Variants in COL27A1 observed in about 807,000 individuals in gnomAD.
COL27A1 encodes collagen alpha-1(XXVII) chain.
A neutral mutation model predicts 251.3 loss-of-function variants in COL27A1; 106 were observed. The ratio of observed to expected loss-of-function variants is 0.42; its 90% CI spans 0.36 to 0.50. The LOEUF (loss-of-function observed/expected upper bound fraction) is 0.50, where lower values mean the gene tolerates loss of function less well. COL27A1 is among the 20% of genes least tolerant of loss of function. The probability of loss-of-function intolerance (pLI) is 0.00; values close to 1 mark genes in which losing one functional copy is unlikely to be tolerated. For missense variants in COL27A1, 2,325 were observed against 2,522.8 expected (o/e 0.92, Z 1.68); for synonymous variants, 1,000 against 986.3 (o/e 1.01, Z -0.26).
At chr9:114,250,554 C>T (rs537405392) in intron 24 of COL27A1, 61 bp from the exon 25 acceptor site, 89 of 1,486,760 alleles carry the variant, frequency 6.0e-5, no homozygotes, top group Non-Finnish European at 6.9e-5. Flanking sequence ...GGGGAAGGAG[C>T]GGGAGGGCTG....
chr9:114,211,047 T>C, intron 12 of COL27A1, 21 bp downstream of exon 12: 1 of 1,613,810 alleles, frequency 6.2e-7, no homozygotes, highest in Non-Finnish European at 8.5e-7. Context: ...TCCGTGTCTA[T>C]TACGCAGACT....
At chr9:114,299,162 T>C (rs1197346557) in intron 49 of COL27A1, among the ~76,000 whole-genome samples, 2 of 152,218 alleles carry the variant, frequency 1.3e-5, no homozygotes, top group African/African-American at 4.8e-5. Context: ...CACTGGGTCT[T>C]GACCTGCCTG....
chr9:114,310,622 G>A lies in COL27A1; in HGVS notation c.5510G>A (p.Ser1837Asn), dbSNP rs962319966. Residue 1837 changes from serine (S) to asparagine (N), a missense_variant, in exon 61 of 61, where the codon AGT becomes AAT. Physicochemically the swap from Ser to Asn is conservative, Grantham distance 46. Transcript: ENST00000356083. ...TQDPQQLPII[S>N]VDNLPPASSG... The stretch of plus-strand genomic sequence containing the variant: ...GACCCCCAACAGCTGCCCATCATCA[G>A]TGTGGACAACCTCCCTCCTGCCTCA... 6 of 1,614,112 alleles carry A rather than the reference G, an allele frequency of 3.7e-6. No homozygotes were observed. The African/African-American group carries it at 6.7e-5, about 18-fold the overall frequency.
At chr9:114,174,235 G>A (rs1849529118) in intron 3 of COL27A1, among the ~76,000 whole-genome samples, 1 of 152,070 alleles carries the variant, frequency 6.6e-6, no homozygotes, top group African/African-American at 2.4e-5. Flanking sequence ...AGACTCACTG[G>A]GGAGAGTTAA....
At chr9:114,176,699 A>C (rs764269738) in intron 3 of COL27A1, among the ~76,000 whole-genome samples, 1 of 152,156 alleles carries the variant, frequency 6.6e-6, no homozygotes, top group Non-Finnish European at 1.5e-5. Context: ...TCTGCCGCCA[A>C]TTTGGCCAGA....
intron 49 of COL27A1, among the ~76,000 whole-genome samples, chr9:114,295,577 C>T (rs1029317844): frequency 6.6e-5 from 10 of 152,234 alleles, no homozygotes; most frequent in East Asian, 3.9e-4. Context: ...GTGGTATTGC[C>T]GTAAATAACT....
Position 114,169,326 on chromosome 9 carries a change from G to A in COL27A1, c.1771G>A (p.Val591Ile), listed in dbSNP as rs540526729. 1.4e-5 allele frequency: 23 copies of A among 1,612,582 alleles called. No individual in the cohort carries two copies. The highest frequency in any genetic ancestry group is 1.8e-5 in the Non-Finnish European group (21 of 1,179,732). The change falls in exon 3 of 61, where the codon GTA becomes ATA. Residue 591 changes from valine to isoleucine, a missense_variant. Transcript: ENST00000356083. ...CAGTCAGCAGACCACCCCGGCCCTG[G>A]TATTGGCCCCGGCGCAATTCCTGTC... ...QPSQQTTPAL[V>I]LAPAQFLSSS...
intron 7 of COL27A1, among the ~76,000 whole-genome samples, chr9:114,203,436 G>C (rs187347767): frequency 6.6e-6 from 1 of 152,172 alleles, no homozygotes; most frequent in Admixed American, 6.5e-5. Flanking sequence ...GAAGTCATTG[G>C]CTTTGGGTCA....
intron 14 of COL27A1, among the ~76,000 whole-genome samples, chr9:114,229,674 A>AG: frequency 6.6e-6 from 1 of 152,326 alleles, no homozygotes; most frequent in South Asian, 2.1e-4. Flanking sequence ...TCAGTCATGG[A>AG]GGATGGACAA....
At chr9:114,172,296 GC>G (rs1417852831) in intron 3 of COL27A1, among the ~76,000 whole-genome samples, 1 of 152,100 alleles carries the variant, frequency 6.6e-6, no homozygotes, top group Non-Finnish European at 1.5e-5. Context: ...CAGGATCTAA[GC>G]CCAGCAGAAC....
chr9:114,268,989 T>C (rs888219514), intron 34 of COL27A1: 1 of 404,728 alleles, frequency 2.5e-6, no homozygotes, highest in Non-Finnish European at 4.2e-6. Flanking sequence ...CAGTTAGTTA[T>C]TAATAGGATG....
At chr9:114,158,700 G>T (rs960744146) in intron 1 of COL27A1, among the ~76,000 whole-genome samples, 1 of 152,224 alleles carries the variant, frequency 6.6e-6, no homozygotes, top group Non-Finnish European at 1.5e-5. Flanking sequence ...GGGAGCAAAA[G>T]AATCGGCAGG....
In COL27A1 at chr9:114,307,452, C is replaced by T. The variant is rs1829136243; in HGVS notation, c.5108-217C>T. The T allele has an allele frequency of 1.4e-5, 8 of 561,028 alleles. No individual in the cohort carries two copies. In the East Asian group the frequency reaches 2.2e-4, roughly 15 times the overall value. 34.8% of individuals were successfully genotyped at this position (561,028 alleles called of 1,614,324 possible). On this transcript the variant is annotated intron_variant, in intron 58 of 60. Transcript: ENST00000356083. ...AGTAGCAACATAGGCAAGTACTTAG[C>T]CATGTGACCCCTCCTCTGGGGGCTC...
At chr9:114,200,049 G>A (rs773932666) in intron 7 of COL27A1, among the ~76,000 whole-genome samples, 6 of 151,968 alleles carry the variant, frequency 3.9e-5, no homozygotes, top group South Asian at 2.1e-4. Flanking sequence ...GCCATTATCC[G>A]TGGAAGCTGT....
chr9:114,267,599 C>T (rs775937266), intron 34 of COL27A1, 42 bp downstream of exon 34: 1 of 1,566,410 alleles, frequency 6.4e-7, no homozygotes, highest in East Asian at 2.3e-5. Context: ...TTGTTGAAAC[C>T]AGCTCCCAGA....
At chr9:114,181,958 G>A (rs1199919491) in intron 4 of COL27A1, among the ~76,000 whole-genome samples, 8 of 152,100 alleles carry the variant, frequency 5.3e-5, no homozygotes, top group Admixed American at 5.2e-4. Flanking sequence ...GTCTGATCAC[G>A]TGTTGTAGCC....
intron 3 of COL27A1, 22 bp downstream of exon 3, chr9:114,169,485 A>C: frequency 1.3e-6 from 2 of 1,498,606 alleles, no homozygotes; most frequent in African/African-American, 1.4e-5. Context: ...TGGGGTCTGC[A>C]TGCTGCTTGG....
chr9:114,155,933 A>T lies in COL27A1; in HGVS notation c.-18A>T. On this transcript the variant is annotated 5_prime_UTR_variant, in exon 1 of 61. An upstream start codon of the reference 5' UTR is lost. Transcript: ENST00000356083. This position sits in a 1 kb window ranked among gnomAD's most constrained non-coding sequence, Gnocchi z 5.5. ...ACACTTGCCCCCCGGGCTCGGGAGC[A>T]TGAAGTAGGGGCCTGCCATGGGAGC... 6 of 1,246,756 alleles carry T rather than the reference A, an allele frequency of 4.8e-6. No individual in the cohort carries two copies. The highest frequency in any genetic ancestry group is 6.1e-6 in the Non-Finnish European group (6 of 991,606). 77.2% of individuals were successfully genotyped at this position (1,246,756 alleles called of 1,614,324 possible).
At chr9:114,179,953 C>T (rs566417508) in intron 4 of COL27A1, among the ~76,000 whole-genome samples, 49 of 151,300 alleles carry the variant, frequency 3.2e-4, no homozygotes, top group Admixed American at 6.0e-4. Flanking sequence ...ATTCTCCTGC[C>T]TCAGCCTCCC....
Sources: allele counts gnomAD v4.1 joint callset (sites outside exome capture counted in the v4.1 genomes callset), GRCh38; gene constraint gnomAD v4.1.1; non-coding constraint Gnocchi (gnomAD v3.1); transcripts MANE v1.5; gene names NCBI Gene and HGNC (gene_info 2026-07-23, HGNC 2026-07-21).